PRDM1: variants seen among roughly 807,000 people sequenced by gnomAD.
PRDM1 encodes PR domain zinc finger protein 1.
Under a neutral mutation model 62.8 loss-of-function variants are expected in PRDM1, and 13 were observed. The ratio of observed to expected loss-of-function variants is 0.21; its 90% CI spans 0.13 to 0.33. The LOEUF (loss-of-function observed/expected upper bound fraction) is 0.33. Ranked by LOEUF, PRDM1 falls within the 10% of genes least tolerant of loss-of-function variation. The pLI is 1.00. For synonymous variants in PRDM1, 396 were observed against 417.6 expected (o/e 0.95, Z 0.63); for missense variants, 895 against 1,058.8 (o/e 0.85, Z 2.15).
At chr6:106,059,863 T>C (rs1773318455) in intron 1 of PRDM1, among the ~76,000 whole-genome samples, 1 of 152,196 alleles carries the variant, frequency 6.6e-6, no homozygotes, top group Non-Finnish European at 1.5e-5. Context: ...GGGAGAATCA[T>C]AAATAACTGA....
In PRDM1 at chr6:106,105,640, A is replaced by G. The variant is rs1485303290; in HGVS notation, c.1480A>G (p.Ser494Gly). The change falls in exon 5 of 7, where the codon AGT becomes GGT. Residue 494 changes from serine to glycine, a missense_variant. Transcript: ENST00000369096. ...PREVLVPAPH[S>G]AFSFTGAAAS... ...GGAGGTGCTTGTCCCGGCGCCCCAC[A>G]GTGCCTTCTCCTTTACCGGGGCCGC... is the stretch of plus-strand genomic sequence containing the variant. 3 of 1,613,298 alleles carry G rather than the reference A, an allele frequency of 1.9e-6. No individual in the cohort carries two copies. The highest frequency in any genetic ancestry group is 1.1e-5 in the South Asian group (1 of 91,050).
rs756869725 is a variant in PRDM1 at position 106,107,223 on chromosome 6, G to A, written c.2215G>A (p.Ala739Thr). The A allele has an allele frequency of 6.2e-7, 1 of 1,614,238 alleles. No homozygotes were observed. The highest frequency in any genetic ancestry group is 8.5e-7 in the Non-Finnish European group (1 of 1,180,052). Reference sequence around the variant, plus strand: ...CGAGAAGTTTGACATCAGTGACAATGCTGACCGGCTCGAGGACGTGGAGGA... The same window carrying A: ...CGAGAAGTTTGACATCAGTGACAATACTGACCGGCTCGAGGACGTGGAGGA... ...EIEKFDISDN[A>T]DRLEDVEDDI... Residue 739 changes from alanine (A) to threonine (T), a missense_variant, in exon 7 of 7, where the codon GCT becomes ACT. Around this residue, in one of 4 missense-constraint regions of PRDM1, gnomAD observed 164 missense variants for 179.9 expected, o/e 0.91. Coordinates refer to ENST00000369096, the MANE Select transcript of PRDM1 (RefSeq NM_001198.4).
rs1277293325 is a variant in PRDM1 at position 106,106,943 on chromosome 6, T to C, written c.1935T>C (p.Asn645=). The C allele has an allele frequency of 6.2e-7, 1 of 1,613,894 alleles. No homozygotes were observed. Among genetic ancestry groups the C allele is most frequent in the Non-Finnish European group, 8.5e-7 (1 of 1,179,976 alleles). Residue 645 remains asparagine (N), a synonymous_variant, in exon 7 of 7, where the codon AAT becomes AAC. Transcript: ENST00000369096. This position sits in a 1 kb window ranked among gnomAD's most constrained non-coding sequence, Gnocchi z 4.4. ...VCHKRFSSTS[N]LKTHLRLHSG... ...ACAAGAGATTTAGCAGCACCAGCAA[T>C]CTCAAGACCCACCTGCGACTCCATT...
intron 3 of PRDM1, chr6:106,098,657 CGA>C (rs1209046447): frequency 9.7e-6 from 13 of 1,344,520 alleles, no homozygotes; most frequent in Non-Finnish European, 1.3e-5. Flanking sequence ...GGCTGCTGCC[CGA>C]GTGTTCGCTT....
At chr6:106,038,323 T>C (rs1244882200) in intron 1 of PRDM1, among the ~76,000 whole-genome samples, 1 of 152,090 alleles carries the variant, frequency 6.6e-6, no homozygotes, top group African/African-American at 2.4e-5. Flanking sequence ...TTTTTATTCT[T>C]GTAGGCTGTC....
Position 106,003,319 on chromosome 6 carries a change from A to G in PRDM1, c.-67+9680A>G, listed in dbSNP as rs531675715. Among the ~76,000 whole-genome samples, 4 of 152,300 alleles carry G rather than the reference A, an allele frequency of 2.6e-5. No individual in the cohort carries two copies. The East Asian group carries it at 7.7e-4, about 29-fold the overall frequency. On this transcript the variant is annotated intron_variant, in intron 1 of 6. Coordinates refer to the PRDM1 transcript ENST00000652320. ...TACTGACTACTGTGTGTCATGCTTC[A>G]TACATTCAGGACATTTTAAATAATT...
At chr6:106,059,820 A>T (rs115965776) in intron 1 of PRDM1, among the ~76,000 whole-genome samples, 3,242 of 152,292 alleles carry the variant, frequency 0.021, 123 homozygotes, top group African/African-American at 0.074. Flanking sequence ...AGACTTGCTG[A>T]TGGATTGGAT....
At chr6:106,073,662 C>T (rs1035899018) in intron 1 of PRDM1, among the ~76,000 whole-genome samples, 8 of 152,082 alleles carry the variant, frequency 5.3e-5, no homozygotes, top group Non-Finnish European at 1.0e-4. Flanking sequence ...GAAAAGATCA[C>T]AACTTAGTAA....
At chr6:106,066,976 A>G (rs1027089718) in intron 1 of PRDM1, among the ~76,000 whole-genome samples, 1 of 152,206 alleles carries the variant, frequency 6.6e-6, no homozygotes, top group Non-Finnish European at 1.5e-5. Flanking sequence ...AGTCTTCACA[A>G]TCTCCCAGTG....
In PRDM1 at chr6:105,994,923, G is replaced by A. The variant is rs1772328346; in HGVS notation, c.-67+1284G>A. 6.6e-6 allele frequency among the ~76,000 whole-genome samples: 1 copy of A among 152,240 alleles called. No individual in the cohort carries two copies. The highest frequency in any genetic ancestry group is 2.1e-4 in the South Asian group (1 of 4,832). ...TTGTCGCGGGAGCCTCCCGGCTTGC[G>A]GAGGGCTTGAGTTTTTTGGCGGAGA... is the stretch of plus-strand genomic sequence containing the variant. On this transcript the variant is annotated intron_variant, in intron 1 of 6. Transcript: ENST00000652320. This position sits in a 1 kb window ranked among gnomAD's most constrained non-coding sequence, Gnocchi z 4.1.
chr6:106,052,019 A>T (rs546613109), intron 1 of PRDM1, among the ~76,000 whole-genome samples: 12 of 152,310 alleles, frequency 7.9e-5, no homozygotes, highest in African/African-American at 2.6e-4. Flanking sequence ...GTTACCAGGG[A>T]CTAGGGGTAG....
At chr6:106,012,415 C>CA (rs1772569222) in intron 1 of PRDM1, among the ~76,000 whole-genome samples, 1 of 151,252 alleles carries the variant, frequency 6.6e-6, no homozygotes, top group Admixed American at 6.6e-5. Flanking sequence ...CACACATACA[C>CA]AAAAAACATA....
intron 1 of PRDM1, among the ~76,000 whole-genome samples, chr6:105,997,716 A>C (rs1772364850): frequency 6.6e-6 from 1 of 152,216 alleles, no homozygotes; most frequent in South Asian, 2.1e-4. Context: ...ATTTTGAAAC[A>C]TTTCTTTACC....
intron 1 of PRDM1, among the ~76,000 whole-genome samples, chr6:106,014,289 G>A (rs1772590702): frequency 6.6e-6 from 1 of 151,302 alleles, no homozygotes; most frequent in South Asian, 2.1e-4. Flanking sequence ...CAAACTTCTG[G>A]GCTCAAGTAA....
rs563371676 is a variant in PRDM1, at chr6:106,050,018, A to G, written c.-67+1304A>G. On this transcript the variant is annotated intron_variant, in intron 1 of 6. Coordinates refer to the PRDM1 transcript ENST00000651185. ...AAAATATTCATATTTGGTGCAGAGT[A>G]GCATAGGAGATGACACTGAGTAAGG... Among the ~76,000 whole-genome samples, 299 of 152,284 alleles carry G rather than the reference A, an allele frequency of 2.0e-3. 1 individual carries two copies. The highest frequency in any genetic ancestry group is 0.018 in the Admixed American group (273 of 15,280).
chr6:106,086,667 T>TTAG, intron 1 of PRDM1, 72 bp downstream of exon 1: 1 of 1,355,086 alleles, frequency 7.4e-7, no homozygotes, highest in East Asian at 2.5e-5. Flanking sequence ...TCCTTTATTG[T>TTAG]TATTATTATT....
At chr6:106,052,208 A>ATCAATTATAATATTG (rs6149739) in intron 1 of PRDM1, among the ~76,000 whole-genome samples, 2 of 152,078 alleles carry the variant, frequency 1.3e-5, no homozygotes, top group African/African-American at 4.8e-5. Context: ...ATAAAGAAAT[A>ATCAATTATAATATTG]TTCAAAGACA....
Position 106,106,808 on chromosome 6 carries a change from G to C in PRDM1, c.1903-103G>C. The C allele has an allele frequency of 7.6e-7, 1 of 1,312,278 alleles. No homozygotes were observed. Among genetic ancestry groups the C allele is most frequent in the Non-Finnish European group, 1.0e-6 (1 of 952,902 alleles). 81.3% of individuals were successfully genotyped at this position (1,312,278 alleles called of 1,614,324 possible). A position where few individuals can be genotyped will look rare whatever the true frequency, so the allele number is the denominator to read the frequency against. The stretch of plus-strand genomic sequence containing the variant: ...CACAAGGAGGCTTCTCACCTCCTAG[G>C]TTGCTGGGCGTTGGCCGGTAAGCCT... On this transcript the variant is annotated intron_variant, in intron 6 of 6. Transcript: ENST00000369096. The surrounding 1 kb of genome is among the most constrained non-coding windows in gnomAD (Gnocchi z 4.4).
At chr6:106,036,730 C>T (rs548299616) in intron 1 of PRDM1, among the ~76,000 whole-genome samples, 31 of 152,188 alleles carry the variant, frequency 2.0e-4, no homozygotes, top group East Asian at 1.2e-3. Context: ...GAGGCTGAGG[C>T]GGGCAGATCA....
Sources: gnomAD v4.1 joint callset for allele counts (sites outside exome capture counted in the v4.1 genomes callset) on GRCh38, gnomAD v4.1.1 for gene constraint, gnomAD v4.1.1 regional missense constraint, Gnocchi (gnomAD v3.1) non-coding constraint, MANE v1.5 for transcripts, NCBI Gene and HGNC (gene_info 2026-07-23, HGNC 2026-07-21) for gene names.